CD86: variants seen among roughly 807,000 people sequenced by gnomAD.
The protein encoded by CD86 is CD86 molecule, also known as T-lymphocyte activation antigen CD86.
A neutral mutation model predicts 32.1 loss-of-function variants in CD86; 11 were observed. The observed-to-expected ratio is 0.34, with a 90% CI of 0.22 to 0.57. The LOEUF is 0.57. Ranked by LOEUF, CD86 falls within the 20% of genes least tolerant of loss-of-function variation. The pLI, the probability that CD86 is intolerant of heterozygous loss-of-function variation, is 0.86. For missense variants in CD86, 359 were observed against 398.4 expected, an observed-to-expected ratio of 0.90 and a Z score of 0.84; for synonymous variants, 137 against 135.3, an observed-to-expected ratio of 1.01 and a Z score of -0.09.
chr3:122,103,375 C>G (rs2073040238), intron 2 of CD86, 137 bp from the exon 3 acceptor site: 1 of 642,500 alleles, frequency 1.6e-6, no homozygotes, highest in African/African-American at 1.8e-5. Context: ...CAGATGTGCA[C>G]AGTTCCAGAG....
At chr3:122,086,573 C>G (rs1430747450) in intron 1 of CD86, 1 of 479,518 alleles carries the variant, frequency 2.1e-6, no homozygotes, top group East Asian at 6.0e-5. Flanking sequence ...CAGTAGTGTG[C>G]ACCTGAAGCC....
chr3:122,118,806 A>G (rs1267067069), intron 6 of CD86, among the ~76,000 whole-genome samples: 1 of 152,256 alleles, frequency 6.6e-6, no homozygotes, highest in Non-Finnish European at 1.5e-5. Context: ...CAGGTTCTCA[A>G]TAAATGTTGA....
chr3:122,088,609 T>A (rs1396848061), intron 1 of CD86, among the ~76,000 whole-genome samples: 1 of 152,220 alleles, frequency 6.6e-6, no homozygotes, highest in East Asian at 1.9e-4. Context: ...CTCTGTCTGA[T>A]TCCTGTGAGC....
chr3:122,088,511 C>G (rs1306246964), intron 1 of CD86, among the ~76,000 whole-genome samples: 4 of 152,166 alleles, frequency 2.6e-5, no homozygotes, highest in Non-Finnish European at 5.9e-5. Context: ...CTGTCTCCCT[C>G]CCTTCCAGCC....
intron 1 of CD86, 90 bp downstream of exon 1, chr3:122,055,593 C>A: frequency 8.3e-7 from 1 of 1,199,320 alleles, no homozygotes; most frequent in Non-Finnish European, 1.2e-6. Flanking sequence ...TGATGTGTGT[C>A]CTTCACTTAG....
intron 2 of CD86, among the ~76,000 whole-genome samples, chr3:122,093,262 T>C (rs2072854316): frequency 6.6e-6 from 1 of 152,198 alleles, no homozygotes; most frequent in South Asian, 2.1e-4. Context: ...GCTCAAGCAA[T>C]TCTCCCACCT....
chr3:122,060,256 A>G (rs749732848), intron 1 of CD86, among the ~76,000 whole-genome samples: 1 of 152,206 alleles, frequency 6.6e-6, no homozygotes. Context: ...AGAATGACTG[A>G]AAATGTCAGT....
intron 2 of CD86, among the ~76,000 whole-genome samples, chr3:122,095,732 A>G (rs935525889): frequency 6.6e-6 from 1 of 152,008 alleles, no homozygotes; most frequent in Non-Finnish European, 1.5e-5. Context: ...TTAAGCCACC[A>G]TTTCAGTGTT....
chr3:122,099,209 A>C (rs1576778737), intron 2 of CD86, among the ~76,000 whole-genome samples: 2 of 152,220 alleles, frequency 1.3e-5, no homozygotes, highest in Non-Finnish European at 1.5e-5. Context: ...AGAGCATTTC[A>C]ATGAGGAGAG....
intron 2 of CD86, among the ~76,000 whole-genome samples, chr3:122,093,052 C>G (rs2072850935): frequency 6.6e-6 from 1 of 152,178 alleles, no homozygotes; most frequent in African/African-American, 2.4e-5. Context: ...ACCTTAGCTC[C>G]TGGGGATGTG....
At chr3:122,114,459 G>T (rs1283091411) in intron 5 of CD86, among the ~76,000 whole-genome samples, 1 of 152,032 alleles carries the variant, frequency 6.6e-6, no homozygotes, top group Non-Finnish European at 1.5e-5. Context: ...CTGAGTGAAG[G>T]AAAGAAAAAA....
chr3:122,068,521 T>A (rs1184752503), intron 1 of CD86, among the ~76,000 whole-genome samples: 1 of 152,220 alleles, frequency 6.6e-6, no homozygotes, highest in Non-Finnish European at 1.5e-5. Context: ...AATAGGCCAC[T>A]TAAATTCAGA....
chr3:122,076,616 T>G (rs2072559063), intron 1 of CD86, among the ~76,000 whole-genome samples: 1 of 152,086 alleles, frequency 6.6e-6, no homozygotes, highest in Non-Finnish European at 1.5e-5. Flanking sequence ...TGAGAAGCCC[T>G]GGGTGAAAGG....
At chr3:122,086,765 G>A (rs566909208) in intron 1 of CD86, among the ~76,000 whole-genome samples, 6 of 152,310 alleles carry the variant, frequency 3.9e-5, no homozygotes, top group African/African-American at 1.2e-4. Context: ...CTGTCTCTCT[G>A]AGAGTCCTCT....
At chr3:122,117,187 T>C (rs1208170400) in intron 5 of CD86, among the ~76,000 whole-genome samples, 1 of 152,148 alleles carries the variant, frequency 6.6e-6, no homozygotes, top group Non-Finnish European at 1.5e-5. Flanking sequence ...GTACCCAATG[T>C]GTAGTCTTTT....
intron 1 of CD86, among the ~76,000 whole-genome samples, chr3:122,056,453 G>A (rs2072238319): frequency 6.6e-6 from 1 of 152,160 alleles, no homozygotes; most frequent in South Asian, 2.1e-4. Context: ...TCCTTCCTCA[G>A]TCTCCTGAGT....
chr3:122,056,682 C>T (rs900374626), intron 1 of CD86, among the ~76,000 whole-genome samples: 1 of 152,204 alleles, frequency 6.6e-6, no homozygotes, highest in African/African-American at 2.4e-5. Flanking sequence ...AAGTAACTTT[C>T]ATCTACCCAG....
At chr3:122,118,127 A>T in intron 6 of CD86, 34 bp downstream of exon 6, 1 of 802,150 alleles carries the variant, frequency 1.2e-6, no homozygotes, top group South Asian at 1.8e-5. Flanking sequence ...GATGAGAGAG[A>T]GGTATAATCC....
intron 1 of CD86, among the ~76,000 whole-genome samples, chr3:122,083,748 T>C (rs1028096445): frequency 3.9e-5 from 6 of 152,170 alleles, no homozygotes; most frequent in South Asian, 2.1e-4. Flanking sequence ...CCAGTCCTAA[T>C]TGAGATGTGC....
Sources: allele counts gnomAD v4.1 joint callset (sites outside exome capture counted in the v4.1 genomes callset), GRCh38; gene constraint gnomAD v4.1.1; transcripts MANE v1.5; gene names NCBI Gene and HGNC (gene_info 2026-07-23, HGNC 2026-07-21).